Variants in PLCG2 observed in about 807,000 individuals in gnomAD.
The protein encoded by PLCG2 is 1-phosphatidylinositol 4,5-bisphosphate phosphodiesterase gamma-2.
PLCG2 carries 69 observed loss-of-function variants against 175.6 expected under a neutral mutation model. The observed-to-expected ratio is 0.39, with a 90% CI of 0.32 to 0.48. The LOEUF (loss-of-function observed/expected upper bound fraction) is 0.48, where lower values mean the gene tolerates loss of function less well. PLCG2 is among the 20% of genes least tolerant of loss of function. The pLI, the probability that PLCG2 is intolerant of heterozygous loss-of-function variation, is 0.91. For synonymous variants in PLCG2, 827 were observed against 624.0 expected, an observed-to-expected ratio of 1.33 and a Z score of -4.85; for missense variants, 1,798 against 1,650.9, an observed-to-expected ratio of 1.09 and a Z score of -1.54.
chr16:81,858,195 C>T, intron 3 of PLCG2, 68 bp from the exon 4 acceptor site: 1 of 1,094,746 alleles, frequency 9.1e-7, no homozygotes, highest in Non-Finnish European at 1.4e-6. Context: ...CTGTATGGGG[C>T]AGGGCTTTGT....
At chr16:81,820,285 C>T (rs574289817) in intron 2 of PLCG2, among the ~76,000 whole-genome samples, 1 of 152,106 alleles carries the variant, frequency 6.6e-6, no homozygotes, top group Non-Finnish European at 1.5e-5. Flanking sequence ...GAGAGGGTTC[C>T]CTCACTTCCC....
At chr16:81,950,683 T>C (rs1333853294) in intron 31 of PLCG2, among the ~76,000 whole-genome samples, 1 of 152,174 alleles carries the variant, frequency 6.6e-6, no homozygotes, top group East Asian at 1.9e-4. Flanking sequence ...CTGGACTAGA[T>C]TCAAAAGACA....
At chr16:81,781,357 C>T (rs1910722333) in intron 1 of PLCG2, among the ~76,000 whole-genome samples, 1 of 151,528 alleles carries the variant, frequency 6.6e-6, no homozygotes, top group South Asian at 2.1e-4. Context: ...TTCTTCAGTG[C>T]ATGTGCACCA....
intron 2 of PLCG2, among the ~76,000 whole-genome samples, chr16:81,834,005 G>T (rs899555796): frequency 2.0e-5 from 3 of 152,194 alleles, no homozygotes. Context: ...AGGTCATTCA[G>T]GGAGCAGCTG....
intron 2 of PLCG2, among the ~76,000 whole-genome samples, chr16:81,762,464 G>A (rs1202755073): frequency 6.6e-5 from 10 of 151,968 alleles, no homozygotes; most frequent in Admixed American, 6.6e-4. Context: ...AGGTACTCGG[G>A]AGGCTGAGGC....
chr16:81,932,618 C>G (rs1030118598), intron 25 of PLCG2, among the ~76,000 whole-genome samples: 10 of 152,300 alleles, frequency 6.6e-5, no homozygotes, highest in African/African-American at 2.4e-4. Flanking sequence ...CATTTTTTTC[C>G]CCTTGGGAGG....
chr16:81,791,449 C>T (rs12598194), intron 2 of PLCG2, among the ~76,000 whole-genome samples: 17,862 of 152,186 alleles, frequency 0.12, 1,350 homozygotes, highest in East Asian at 0.35. Context: ...TTCTTCTACT[C>T]TTTGTAGCCT....
At chr16:81,814,505 C>G (rs1009122733) in intron 2 of PLCG2, among the ~76,000 whole-genome samples, 1 of 152,004 alleles carries the variant, frequency 6.6e-6, no homozygotes, top group East Asian at 1.9e-4. Flanking sequence ...CCAGCCTGGC[C>G]AAAATGGTGA....
chr16:81,870,400 A>G (rs1338889925), intron 6 of PLCG2, among the ~76,000 whole-genome samples: 3 of 152,236 alleles, frequency 2.0e-5, no homozygotes, highest in Non-Finnish European at 4.4e-5. Flanking sequence ...AATGCTTTAC[A>G]AAATGACCTA....
At chr16:81,827,798 A>C (rs1905103610) in intron 2 of PLCG2, among the ~76,000 whole-genome samples, 1 of 152,088 alleles carries the variant, frequency 6.6e-6, no homozygotes, top group Non-Finnish European at 1.5e-5. Context: ...TTTAAAAAAA[A>C]GCGTTGACGC....
chr16:81,780,619 A>G (rs1910686090), intron 1 of PLCG2, among the ~76,000 whole-genome samples: 1 of 152,210 alleles, frequency 6.6e-6, no homozygotes, highest in South Asian at 2.1e-4. Flanking sequence ...TTCCCCCACC[A>G]GCGACTGGAG....
At chr16:81,857,175 C>G (rs1906728593) in intron 3 of PLCG2, among the ~76,000 whole-genome samples, 1 of 152,170 alleles carries the variant, frequency 6.6e-6, no homozygotes, top group Non-Finnish European at 1.5e-5. Context: ...GCAGGTGTTT[C>G]CACCTGTTGA....
rs375929227 is a variant in PLCG2, at chr16:81,843,336, C to T, written c.194-11108C>T. Among the ~76,000 whole-genome samples, 17 of 152,314 alleles carry T rather than the reference C, an allele frequency of 1.1e-4. No homozygotes were observed. The South Asian group carries it at 3.5e-3, about 32-fold the overall frequency. On this transcript the variant is annotated intron_variant, in intron 2 of 32. Coordinates refer to ENST00000564138, the MANE Select transcript of PLCG2 (RefSeq NM_002661.5). ...TTTGGTACCCTTTCTCACACCTTTA[C>T]ACTCATACGTGCACACTTACAAATA...
chr16:81,816,651 A>ATTTTT (rs71146047), intron 2 of PLCG2, among the ~76,000 whole-genome samples: 4 of 108,854 alleles, frequency 3.7e-5, no homozygotes, highest in Admixed American at 1.2e-4. Flanking sequence ...GCTAATTTTA[A>ATTTTT]TTTTTTTTTT....
At chr16:81,852,838 A>G (rs985020825) in intron 2 of PLCG2, among the ~76,000 whole-genome samples, 1 of 152,120 alleles carries the variant, frequency 6.6e-6, no homozygotes, top group Non-Finnish European at 1.5e-5. Flanking sequence ...ATCCACTTCT[A>G]AGATGGTCCA....
chr16:81,839,851 G>A (rs577110579), intron 2 of PLCG2, among the ~76,000 whole-genome samples: 1 of 152,304 alleles, frequency 6.6e-6, no homozygotes, highest in Admixed American at 6.5e-5. Flanking sequence ...AGGGATTTGA[G>A]ACCAGCCTAG....
chr16:81,772,581 G>A (rs1259480836), intron 2 of PLCG2, among the ~76,000 whole-genome samples: 1 of 151,858 alleles, frequency 6.6e-6, no homozygotes, highest in East Asian at 1.9e-4. Context: ...AGGCCGAGGT[G>A]GGTGGATCAC....
At chr16:81,807,340 A>C (rs1464561904) in intron 2 of PLCG2, among the ~76,000 whole-genome samples, 1 of 152,152 alleles carries the variant, frequency 6.6e-6, no homozygotes, top group Non-Finnish European at 1.5e-5. Context: ...CGAGGAGGGC[A>C]CTGAGGAGGA....
rs762718227 is a variant in PLCG2 at position 81,891,601 on chromosome 16, G to A, written c.986+11G>A. On this transcript the variant is annotated intron_variant, in intron 11 of 32. Coordinates refer to ENST00000564138, the MANE Select transcript of PLCG2 (RefSeq NM_002661.5). ...CTCGTCACATAACACGTGAGTTTCA[G>A]ATGAGCCTGTGATGGGTTGGGCAGC... 2.6e-5 allele frequency: 38 copies of A among 1,470,542 alleles called. No homozygotes were observed. Among genetic ancestry groups the A allele is most frequent in the Non-Finnish European group, 3.4e-5 (36 of 1,049,932 alleles). 91.1% of individuals were successfully genotyped at this position (1,470,542 alleles called of 1,614,324 possible).
Sources: gnomAD v4.1 joint callset for allele counts (sites outside exome capture counted in the v4.1 genomes callset) on GRCh38, gnomAD v4.1.1 for gene constraint, MANE v1.5 for transcripts, NCBI Gene and HGNC (gene_info 2026-07-23, HGNC 2026-07-21) for gene names.